Variants in FAM217B observed in about 807,000 individuals in gnomAD.
FAM217B encodes family with sequence similarity 217 member B.
For missense variants in FAM217B, 463 were observed against 456.9 expected, an observed-to-expected ratio of 1.01 and a Z score of -0.12; for synonymous variants, 163 against 173.0, an observed-to-expected ratio of 0.94 and a Z score of 0.45.
chr20:59,940,783 G>C (rs1309628992), intron 1 of FAM217B, among the ~76,000 whole-genome samples: 1 of 152,204 alleles, frequency 6.6e-6, no homozygotes, highest in Non-Finnish European at 1.5e-5. Flanking sequence ...GACCGAGGGA[G>C]CCTCACTGCG....
At chr20:59,936,715 T>C (rs1271106215), upstream of FAM217B, 1 of 152,234 alleles carries the variant, frequency 6.6e-6, no homozygotes, top group Non-Finnish European at 1.5e-5. Context: ...TTATCAGTGT[T>C]GTAGAAAGGA....
Position 59,944,216 on chromosome 20 carries a change from G to C in FAM217B, c.273G>C (p.Glu91Asp), listed in dbSNP as rs1388846323. 1.2e-6 allele frequency: 2 copies of C among 1,614,016 alleles called. No homozygotes were observed. Among genetic ancestry groups the C allele is most frequent in the African/African-American group, 2.7e-5 (2 of 74,904 alleles). Reference sequence around the variant, plus strand: ...AAATTATTAAAGAGAATGCTGATGAGGACAGTGCAAGTGATCTCTCTGATT... The same window carrying C: ...AAATTATTAAAGAGAATGCTGATGACGACAGTGCAAGTGATCTCTCTGATT... Reference protein sequence around the residue: ...SMKIIKENADEDSASDLSDSE... With the variant: ...SMKIIKENADDDSASDLSDSE... Residue 91 changes from glutamate to aspartate, a missense_variant, in exon 4 of 4, where the codon GAG becomes GAC. Physicochemically the swap from Glu to Asp is conservative, Grantham distance 45 (BLOSUM62 2). Coordinates refer to ENST00000360816, the MANE Select transcript of FAM217B (RefSeq NM_022106.3).
At chr20:59,942,832 C>T (rs1020054222) in intron 3 of FAM217B, among the ~76,000 whole-genome samples, 3 of 152,096 alleles carry the variant, frequency 2.0e-5, no homozygotes, top group Non-Finnish European at 4.4e-5. Context: ...CAGGCAGGAA[C>T]AAAATGTTTT....
chr20:59,935,752 G>A (rs2060858865), upstream of FAM217B, among the ~76,000 whole-genome samples: 1 of 152,222 alleles, frequency 6.6e-6, no homozygotes, highest in South Asian at 2.1e-4. Flanking sequence ...CAACGTTGGT[G>A]ACAAGGCAAG....
chr20:59,943,854 A>C, intron 3 of FAM217B, 86 bp from the exon 4 acceptor site: 1 of 1,162,108 alleles, frequency 8.6e-7, no homozygotes, highest in Non-Finnish European at 1.2e-6. Flanking sequence ...AAAAAGTACA[A>C]CTAGAAGATT....
At chr20:59,934,162 C>G (rs905334196) in intron 1 of FAM217B, among the ~76,000 whole-genome samples, 3 of 152,178 alleles carry the variant, frequency 2.0e-5, no homozygotes, top group African/African-American at 4.8e-5. Flanking sequence ...TGAGGCCTGG[C>G]TCCTGCCGGC....
intron 1 of FAM217B, 157 bp from the exon 2 acceptor site, chr20:59,942,041 C>T (rs1328913366): frequency 6.6e-6 from 1 of 152,268 alleles, no homozygotes; most frequent in Non-Finnish European, 1.5e-5. Context: ...TCTCCCTTCC[C>T]CAGTATTTCA....
upstream of FAM217B, among the ~76,000 whole-genome samples, chr20:59,936,186 GAA>G (rs935380672): frequency 1.3e-5 from 2 of 152,102 alleles, no homozygotes; most frequent in African/African-American, 4.8e-5. Flanking sequence ...TCTAAACACA[GAA>G]AAGATACGGA....
upstream of FAM217B, chr20:59,939,987 G>A (rs527926551): frequency 8.2e-6 from 10 of 1,224,488 alleles, no homozygotes; most frequent in Admixed American, 1.2e-4. Context: ...TCCCGACCCC[G>A]CGACAGCTCC....
At chr20:59,938,825 C>T (rs1396101746), upstream of FAM217B, 4 of 443,068 alleles carry the variant, frequency 9.0e-6, no homozygotes, top group Non-Finnish European at 1.5e-5. Context: ...CTTCTGGCCA[C>T]CTGAGGCTAC....
At position 59,944,797 on chromosome 20, in the gene FAM217B, C is replaced by G. The variant is rs367662826; in HGVS notation, c.854C>G (p.Thr285Ser). ...GGTRFCSQRQTLEMRTEEKKK... is the reference protein window; with the variant it reads ...GGTRFCSQRQSLEMRTEEKKK... ...ACCAGGTTTTGTTCTCAGAGGCAAA[C>G]CCTTGAAATGAGGACAGAAGAAAAG... The change falls in exon 4 of 4, where the codon ACC becomes AGC. Residue 285 changes from threonine to serine, a missense_variant. Transcript: ENST00000360816. 1.1e-5 allele frequency: 17 copies of G among 1,614,022 alleles called. No individual in the cohort carries two copies. The African/African-American group carries it at 1.9e-4, about 18-fold the overall frequency.
intron 1 of FAM217B, among the ~76,000 whole-genome samples, chr20:59,934,282 C>T (rs1323995691): frequency 6.6e-6 from 1 of 152,196 alleles, no homozygotes; most frequent in Non-Finnish European, 1.5e-5. Flanking sequence ...TATTCCTAGG[C>T]TCTTTCAGAC....
At chr20:59,940,198 G>A (rs190756423), upstream of FAM217B, 12 of 355,228 alleles carry the variant, frequency 3.4e-5, no homozygotes, top group African/African-American at 2.3e-4. Context: ...GGGAGCGCAG[G>A]GTAGCGCCTC....
Position 59,946,947 on chromosome 20 carries a change from T to C in FAM217B, c.*1852T>C, listed in dbSNP as rs890045589. The C allele has an allele frequency of 6.0e-6, 1 of 167,112 alleles. No homozygotes were observed. The highest frequency in any genetic ancestry group is 1.5e-5 in the Non-Finnish European group (1 of 68,130). The allele number at this position is 167,112 out of a possible 1,614,324, so 10.4% of individuals were successfully genotyped here. The stretch of plus-strand genomic sequence containing the variant: ...TTATCCATGGCTGGCACTTCACTTA[T>C]GATCCTTTCTCTGCTAGATTTTTAT... On this transcript the variant is annotated 3_prime_UTR_variant, in exon 4 of 4. Transcript: ENST00000360816.
chr20:59,939,241 C>A (rs1257008175), upstream of FAM217B: 1 of 1,611,344 alleles, frequency 6.2e-7, no homozygotes, highest in East Asian at 2.2e-5. Context: ...TCCTCCGTGC[C>A]CTCGGGGCCT....
At chr20:59,938,945 A>C (rs1448097911), upstream of FAM217B, 27 of 1,323,246 alleles carry the variant, frequency 2.0e-5, no homozygotes, top group Non-Finnish European at 2.7e-5. Context: ...GGTGAAGAAC[A>C]ACCAGATAGA....
At chr20:59,942,877 T>C (rs1300988383) in intron 3 of FAM217B, among the ~76,000 whole-genome samples, 5 of 152,234 alleles carry the variant, frequency 3.3e-5, no homozygotes, top group Admixed American at 1.3e-4. Flanking sequence ...TGGAGATTCC[T>C]TCATTTCTTC....
At chr20:59,939,565 C>T (rs771921578), upstream of FAM217B, 5 of 1,611,322 alleles carry the variant, frequency 3.1e-6, no homozygotes, top group Non-Finnish European at 4.2e-6. Context: ...GACGGGTCGT[C>T]TCCCGCGTTG....
chr20:59,939,934 C>T, upstream of FAM217B: 1 of 1,263,258 alleles, frequency 7.9e-7, no homozygotes, highest in South Asian at 3.9e-5. Context: ...CTGGACATGG[C>T]CCCGCCGGCC....
Sources: gnomAD v4.1 joint callset for allele counts (sites outside exome capture counted in the v4.1 genomes callset) on GRCh38, gnomAD v4.1.1 for gene constraint, MANE v1.5 for transcripts, NCBI Gene and HGNC (gene_info 2026-07-23, HGNC 2026-07-21) for gene names.